N4BP2: variants seen among roughly 807,000 people sequenced by gnomAD.
N4BP2 encodes NEDD4 binding protein 2.
In N4BP2, 91 loss-of-function variants were observed where a neutral mutation model predicts 152.8. The observed-to-expected ratio is 0.60, with a 90% confidence interval of 0.50 to 0.71. N4BP2 has a LOEUF of 0.71. Ranked by LOEUF, N4BP2 falls within the 30% of genes least tolerant of loss-of-function variation. The probability of loss-of-function intolerance (pLI) is 0.00; values close to 1 mark genes in which losing one functional copy is unlikely to be tolerated. For synonymous variants in N4BP2, 646 were observed against 705.3 expected (o/e 0.92, Z 1.33); for missense variants, 1,923 against 2,059.1 (o/e 0.93, Z 1.28).
chr4:40,094,457 G>T (rs779097836), intron 2 of N4BP2, among the ~76,000 whole-genome samples: 1 of 152,136 alleles, frequency 6.6e-6, no homozygotes, highest in Admixed American at 6.6e-5. Context: ...ACCTATAATT[G>T]TGAATTTGTC....
chr4:40,059,159 C>T (rs1733462600), intron 1 of N4BP2, among the ~76,000 whole-genome samples: 1 of 152,072 alleles, frequency 6.6e-6, no homozygotes, highest in African/African-American at 2.4e-5. Context: ...TTTAAAATCT[C>T]CCTTTTCATC....
chr4:40,150,380 G>A (rs1486114659), intron 16 of N4BP2, among the ~76,000 whole-genome samples: 1 of 152,154 alleles, frequency 6.6e-6, no homozygotes, highest in Non-Finnish European at 1.5e-5. Flanking sequence ...TGAAAATCTA[G>A]GATAGGCTGG....
intron 6 of N4BP2, among the ~76,000 whole-genome samples, chr4:40,112,715 G>A (rs1456742766): frequency 7.1e-6 from 1 of 139,988 alleles, no homozygotes; most frequent in African/African-American, 2.7e-5. Context: ...TTTTTTTTTT[G>A]TTGTTGAGAT....
the N4BP2 span, among the ~76,000 whole-genome samples, chr4:40,179,140 G>A: frequency 6.6e-6 from 1 of 151,984 alleles, no homozygotes; most frequent in African/African-American, 2.4e-5. Flanking sequence ...AGGCCGAGGC[G>A]GGCAGATCAC....
chr4:40,095,094 T>G (rs765295021), intron 2 of N4BP2, among the ~76,000 whole-genome samples: 4 of 151,810 alleles, frequency 2.6e-5, no homozygotes, highest in Non-Finnish European at 5.9e-5. Context: ...TATATCTTTT[T>G]TTTTTTGAGA....
chr4:40,180,033 G>A, the N4BP2 span, among the ~76,000 whole-genome samples: 1 of 151,960 alleles, frequency 6.6e-6, no homozygotes, highest in African/African-American at 2.4e-5. Context: ...CAAACTGCTG[G>A]GATTACAGGC....
chr4:40,081,773 T>A (rs577627639), intron 2 of N4BP2, among the ~76,000 whole-genome samples: 7 of 152,120 alleles, frequency 4.6e-5, no homozygotes, highest in Non-Finnish European at 7.4e-5. Flanking sequence ...GTCAGGAGTT[T>A]GAGACCAGCC....
chr4:40,101,680 CTTAATAT>C (rs1456036956), intron 3 of N4BP2, among the ~76,000 whole-genome samples: 1 of 151,970 alleles, frequency 6.6e-6, no homozygotes, highest in Non-Finnish European at 1.5e-5. Context: ...ACATAAAATA[CTTAATAT>C]TTAAAAGTTT....
Position 40,118,062 on chromosome 4 carries a change from A to G in N4BP2, c.1820+38A>G, listed in dbSNP as rs747046684. 4 of 1,451,212 alleles carry G rather than the reference A, an allele frequency of 2.8e-6. No homozygotes were observed. The Admixed American group carries it at 7.3e-5, about 26-fold the overall frequency. 89.9% of individuals were successfully genotyped at this position (1,451,212 alleles called of 1,614,324 possible). On this transcript the variant is annotated intron_variant, in intron 8 of 17. Coordinates refer to ENST00000261435, the MANE Select transcript of N4BP2 (RefSeq NM_018177.6). Reference sequence around the variant, plus strand: ...GCCTTATGTACAAAATTCAATTTGAAATATAATTTTTAAAAGGTATAATTT... The same window carrying G: ...GCCTTATGTACAAAATTCAATTTGAGATATAATTTTTAAAAGGTATAATTT...
chr4:40,098,656 A>G (rs1715320725), intron 3 of N4BP2, among the ~76,000 whole-genome samples: 2 of 152,222 alleles, frequency 1.3e-5, no homozygotes, highest in Admixed American at 1.3e-4. Flanking sequence ...ACCAGTTGTC[A>G]GCAGTGCATG....
At chr4:40,126,657 C>T (rs1441612620) in intron 12 of N4BP2, among the ~76,000 whole-genome samples, 1 of 151,996 alleles carries the variant, frequency 6.6e-6, no homozygotes, top group African/African-American at 2.4e-5. Flanking sequence ...CCACACTAGA[C>T]TACAGTGGCG....
In N4BP2 at chr4:40,102,839, C is replaced by T; in HGVS notation, c.994C>T (p.Pro332Ser). ...EGFNFKPHKH[P>S]ELPTKGKDVS... is the part of the protein sequence containing the mutation. ...GTTCAACTTCAAGCCACACAAACAT[C>T]CTGAACTGCCAACTAAGGGGAAGGA... The change falls in exon 4 of 18, where the codon CCT becomes TCT. Residue 332 changes from proline (P) to serine (S), a missense_variant. By Grantham distance (74) the Pro-to-Ser change is moderately conservative. Transcript: ENST00000261435. 1 of 1,614,158 alleles carries T rather than the reference C, an allele frequency of 6.2e-7. No homozygotes were observed. Among genetic ancestry groups the T allele is most frequent in the Non-Finnish European group, 8.5e-7 (1 of 1,180,024 alleles).
intron 8 of N4BP2, among the ~76,000 whole-genome samples, chr4:40,119,307 T>TA (rs141641298): frequency 0.016 from 2,464 of 151,924 alleles, 70 homozygotes; most frequent in African/African-American, 0.057. Context: ...CTCCTGAAGT[T>TA]AAAAAAAAGA....
intron 14 of N4BP2, among the ~76,000 whole-genome samples, chr4:40,141,104 G>A (rs1719888668): frequency 6.6e-6 from 1 of 152,024 alleles, no homozygotes; most frequent in African/African-American, 2.4e-5. Flanking sequence ...GAGCTGCCGG[G>A]CACACCTCCC....
intron 2 of N4BP2, among the ~76,000 whole-genome samples, chr4:40,083,628 G>T (rs1030898446): frequency 1.3e-5 from 2 of 152,158 alleles, no homozygotes; most frequent in Non-Finnish European, 2.9e-5. Flanking sequence ...GCCTAGAATA[G>T]GTAAACCTAT....
intron 11 of N4BP2, among the ~76,000 whole-genome samples, chr4:40,125,872 G>T (rs1407455779): frequency 1.5e-5 from 2 of 129,476 alleles, no homozygotes; most frequent in African/African-American, 6.0e-5. Context: ...GGGCGACAGA[G>T]CAAGACTCCG....
At chr4:40,092,228 A>AT (rs1475343792) in intron 2 of N4BP2, among the ~76,000 whole-genome samples, 4 of 149,352 alleles carry the variant, frequency 2.7e-5, no homozygotes, top group Non-Finnish European at 4.5e-5. Flanking sequence ...GATTAGTATT[A>AT]TTTTTTCCTA....
intron 12 of N4BP2, among the ~76,000 whole-genome samples, chr4:40,131,522 A>G (rs1332748229): frequency 6.6e-6 from 1 of 152,114 alleles, no homozygotes; most frequent in Non-Finnish European, 1.5e-5. Flanking sequence ...CAGTATGTGT[A>G]TATATATTTA....
rs1474311992 is a variant in N4BP2, at chr4:40,144,950, C to A, written c.5143+150C>A. 2.9e-5 allele frequency: 16 copies of A among 552,058 alleles called. No individual in the cohort carries two copies. In the Admixed American group the frequency reaches 5.9e-4, roughly 20 times the overall value. The allele number at this position is 552,058 out of a possible 1,614,324, so 34.2% of individuals were successfully genotyped here. ...TTATGTTATTCATTCTTCAAGAGAA[C>A]CTTCTTGGGAAAGGATCCTCATTGG... On this transcript the variant is annotated intron_variant, in intron 16 of 17. Coordinates refer to ENST00000261435, the MANE Select transcript of N4BP2 (RefSeq NM_018177.6).
Sources: allele counts gnomAD v4.1 joint callset (sites outside exome capture counted in the v4.1 genomes callset), GRCh38; gene constraint gnomAD v4.1.1; transcripts MANE v1.5; gene names NCBI Gene and HGNC (gene_info 2026-07-23, HGNC 2026-07-21).